The following USH2A variants were observed in gnomAD, a reference collection of about 807,000 sequenced individuals.
The protein encoded by USH2A is usherin.
Under a neutral mutation model 538.9 loss-of-function variants are expected in USH2A, and 443 were observed. That is an observed-to-expected ratio of 0.82 (90% CI 0.76 to 0.89). The LOEUF (loss-of-function observed/expected upper bound fraction) is 0.89, where lower values mean the gene tolerates loss of function less well. USH2A is among the 40% of genes least tolerant of loss of function. The pLI is 0.00. For synonymous variants in USH2A, 2,413 were observed against 2,273.5 expected (o/e 1.06, Z -1.75); for missense variants, 6,633 against 6,324.8 (o/e 1.05, Z -1.65).
intron 19 of USH2A, among the ~76,000 whole-genome samples, chr1:216,192,670 C>G (rs770029808): frequency 5.9e-5 from 9 of 151,876 alleles, no homozygotes; most frequent in Non-Finnish European, 1.0e-4. Flanking sequence ...CCACTGCACT[C>G]AAGCCTGGGT....
At chr1:216,342,308 A>G (rs1462120685) in intron 4 of USH2A, among the ~76,000 whole-genome samples, 2 of 152,144 alleles carry the variant, frequency 1.3e-5, no homozygotes, top group Non-Finnish European at 1.5e-5. Context: ...CATTTCAGTC[A>G]GAGTGGCAAT....
intron 61 of USH2A, among the ~76,000 whole-genome samples, chr1:215,708,519 GAA>G (rs1300418049): frequency 3.9e-5 from 6 of 152,208 alleles, no homozygotes; most frequent in Non-Finnish European, 7.4e-5. Context: ...CCGTTTCATG[GAA>G]GACAATTTTT....
intron 30 of USH2A, among the ~76,000 whole-genome samples, chr1:216,063,473 T>C (rs991750656): frequency 6.6e-6 from 1 of 152,118 alleles, no homozygotes; most frequent in African/African-American, 2.4e-5. Context: ...TCTACCTATG[T>C]CCTTGATGAC....
intron 32 of USH2A, among the ~76,000 whole-genome samples, chr1:216,017,771 T>A (rs1668752639): frequency 6.6e-6 from 1 of 152,228 alleles, no homozygotes; most frequent in Non-Finnish European, 1.5e-5. Context: ...CAGGCAGTGC[T>A]AAGTCTATTG....
At chr1:215,733,610 G>A (rs1048206245) in intron 60 of USH2A, among the ~76,000 whole-genome samples, 1 of 152,146 alleles carries the variant, frequency 6.6e-6, no homozygotes, top group Non-Finnish European at 1.5e-5. Flanking sequence ...ATCAAAACAA[G>A]TTATTTACTT....
At chr1:216,089,723 G>A (rs141981777) in intron 22 of USH2A, among the ~76,000 whole-genome samples, 3 of 151,672 alleles carry the variant, frequency 2.0e-5, no homozygotes, top group South Asian at 2.1e-4. Flanking sequence ...TCTGGCTAAG[G>A]TAATCATATA....
intron 24 of USH2A, 62 bp from the exon 25 acceptor site, chr1:216,084,939 T>C: frequency 6.5e-7 from 1 of 1,544,322 alleles, no homozygotes. Context: ...AAGCAATTAA[T>C]TTTATGTGCC....
intron 21 of USH2A, among the ~76,000 whole-genome samples, chr1:216,169,041 A>G (rs2034224022): frequency 6.6e-6 from 1 of 152,074 alleles, no homozygotes; most frequent in South Asian, 2.1e-4. Context: ...CTCTTTCTCT[A>G]TTGCAATTCC....
chr1:216,068,582 C>A (rs982290349), intron 30 of USH2A, among the ~76,000 whole-genome samples: 1 of 151,974 alleles, frequency 6.6e-6, no homozygotes. Context: ...CTGCAGCAGA[C>A]AGAGGCGTTA....
At chr1:216,093,425 G>A (rs1201311058) in intron 22 of USH2A, among the ~76,000 whole-genome samples, 1 of 149,014 alleles carries the variant, frequency 6.7e-6, no homozygotes, top group African/African-American at 2.5e-5. Flanking sequence ...CGGAAATGAT[G>A]GGCAAATGCC....
chr1:215,711,605 G>A (rs774118285), intron 61 of USH2A, among the ~76,000 whole-genome samples: 6 of 151,946 alleles, frequency 3.9e-5, no homozygotes, highest in Non-Finnish European at 8.8e-5. Context: ...TTTTTCTGGG[G>A]GGTCTCTCCT....
chr1:215,832,288 A>T (rs879582069), intron 47 of USH2A, among the ~76,000 whole-genome samples: 1 of 151,966 alleles, frequency 6.6e-6, no homozygotes, highest in South Asian at 2.1e-4. Context: ...TTAGTATGAG[A>T]CCAGAAATTA....
At chr1:215,907,080 G>A (rs1438430679) in intron 38 of USH2A, among the ~76,000 whole-genome samples, 4 of 151,880 alleles carry the variant, frequency 2.6e-5, no homozygotes, top group African/African-American at 4.8e-5. Context: ...TTTATCATTG[G>A]AAAGCTCTTT....
chr1:216,374,097 C>T (rs1245085235), intron 3 of USH2A, among the ~76,000 whole-genome samples: 2 of 104,240 alleles, frequency 1.9e-5, no homozygotes, highest in Admixed American at 3.0e-4. Flanking sequence ...ACACTGGGGA[C>T]TTTTGTGGGG....
At chr1:215,975,634 G>C (rs972528206) in intron 35 of USH2A, among the ~76,000 whole-genome samples, 1 of 152,246 alleles carries the variant, frequency 6.6e-6, no homozygotes. Context: ...TAGGTGCACA[G>C]CTGTATTTCT....
chr1:215,971,270 A>G (rs926498247), intron 35 of USH2A, among the ~76,000 whole-genome samples: 20 of 152,126 alleles, frequency 1.3e-4, no homozygotes, highest in African/African-American at 4.8e-4. Flanking sequence ...TAACAGGCAA[A>G]GAGAAAAGGT....
intron 26 of USH2A, among the ~76,000 whole-genome samples, chr1:216,081,391 G>A (rs2031936509): frequency 2.0e-5 from 3 of 152,108 alleles, no homozygotes; most frequent in Admixed American, 6.5e-5. Flanking sequence ...AGTTCCAGGG[G>A]ATAACCATGC....
At chr1:215,791,529 T>G (rs1057442248) in intron 50 of USH2A, among the ~76,000 whole-genome samples, 22 of 152,234 alleles carry the variant, frequency 1.4e-4, no homozygotes, top group African/African-American at 5.3e-4. Flanking sequence ...ATTCATCTTT[T>G]TACTTACAAA....
intron 67 of USH2A, 110 bp downstream of exon 67, chr1:215,647,412 T>C (rs1656887499): frequency 1.6e-6 from 2 of 1,283,280 alleles, no homozygotes; most frequent in South Asian, 1.2e-5. Flanking sequence ...TTCAGTGTTA[T>C]TGAGCCCACT....
Sources: gnomAD v4.1 joint callset for allele counts (sites outside exome capture counted in the v4.1 genomes callset) on GRCh38, gnomAD v4.1.1 for gene constraint, MANE v1.5 for transcripts, NCBI Gene and HGNC (gene_info 2026-07-23, HGNC 2026-07-21) for gene names.